ADGRL2: variants seen among roughly 807,000 people sequenced by gnomAD.
ADGRL2 encodes adhesion G protein-coupled receptor L2.
In ADGRL2, 44 loss-of-function variants were observed where a neutral mutation model predicts 157.4. The ratio of observed to expected loss-of-function variants is 0.28; its 90% confidence interval spans 0.22 to 0.36. The LOEUF (loss-of-function observed/expected upper bound fraction) is 0.36, where lower values mean the gene tolerates loss of function less well. ADGRL2 is among the 10% of genes least tolerant of loss of function. The pLI is 1.00. For synonymous variants in ADGRL2, 585 were observed against 624.7 expected, an observed-to-expected ratio of 0.94 and a Z score of 0.95; for missense variants, 1,510 against 1,768.9, an observed-to-expected ratio of 0.85 and a Z score of 2.63.
At chr1:81,626,398 C>T (rs537936122) in intron 3 of ADGRL2, among the ~76,000 whole-genome samples, 1 of 152,254 alleles carries the variant, frequency 6.6e-6, no homozygotes, top group African/African-American at 2.4e-5. Flanking sequence ...CTCAACCTCC[C>T]GGGCTCAAGC....
intron 1 of ADGRL2, among the ~76,000 whole-genome samples, chr1:81,438,072 C>T (rs1214177678): frequency 3.3e-5 from 5 of 149,326 alleles, no homozygotes; most frequent in Non-Finnish European, 5.9e-5. Context: ...CATTCCTTCT[C>T]ACCGAATATG....
At chr1:81,821,775 T>A (rs2091008550) in intron 1 of ADGRL2, among the ~76,000 whole-genome samples, 1 of 152,174 alleles carries the variant, frequency 6.6e-6, no homozygotes, top group African/African-American at 2.4e-5. Flanking sequence ...ATATACTATT[T>A]ACACAGTCTA....
chr1:81,719,098 G>C (rs189263879), intron 1 of ADGRL2, among the ~76,000 whole-genome samples: 2 of 152,350 alleles, frequency 1.3e-5, no homozygotes, highest in Non-Finnish European at 2.9e-5. Flanking sequence ...CCCTGGGTTA[G>C]TCAGAGATCC....
At chr1:81,353,761 T>C (rs1663082464) in intron 1 of ADGRL2, among the ~76,000 whole-genome samples, 1 of 152,122 alleles carries the variant, frequency 6.6e-6, no homozygotes. Context: ...CAAGTGGCCC[T>C]GGGATGATAG....
At chr1:81,454,050 C>T (rs1002957397) in intron 2 of ADGRL2, among the ~76,000 whole-genome samples, 3 of 152,142 alleles carry the variant, frequency 2.0e-5, no homozygotes, top group Admixed American at 6.5e-5. Flanking sequence ...AATAATGTTT[C>T]GTTTAAAAGA....
intron 3 of ADGRL2, among the ~76,000 whole-genome samples, chr1:81,652,936 A>G (rs2082451669): frequency 6.6e-6 from 1 of 151,970 alleles, no homozygotes; most frequent in Admixed American, 6.6e-5. Flanking sequence ...TCATTTTTTT[A>G]TCATTGCAAT....
chr1:81,474,864 G>GA (rs1423496558), intron 2 of ADGRL2, among the ~76,000 whole-genome samples: 2 of 152,066 alleles, frequency 1.3e-5, no homozygotes, highest in African/African-American at 4.8e-5. Flanking sequence ...TGAGTATGAT[G>GA]AATACTTTTC....
intron 3 of ADGRL2, among the ~76,000 whole-genome samples, chr1:81,669,752 C>T (rs765511676): frequency 6.6e-6 from 1 of 151,940 alleles, no homozygotes; most frequent in Non-Finnish European, 1.5e-5. Context: ...ACCATCCTGG[C>T]TAACACGGTG....
intron 1 of ADGRL2, among the ~76,000 whole-genome samples, chr1:81,729,815 C>A (rs2084660219): frequency 6.6e-6 from 1 of 152,186 alleles, no homozygotes; most frequent in African/African-American, 2.4e-5. Context: ...TCATTAATAT[C>A]ATTCTGGCCA....
intron 1 of ADGRL2, among the ~76,000 whole-genome samples, chr1:81,384,948 T>C (rs1238404248): frequency 2.0e-5 from 3 of 152,198 alleles, no homozygotes; most frequent in Non-Finnish European, 4.4e-5. Context: ...AACGACTTTA[T>C]CTTCCTCCTA....
intron 1 of ADGRL2, among the ~76,000 whole-genome samples, chr1:81,808,294 A>G (rs1273616003): frequency 1.3e-5 from 2 of 152,076 alleles, no homozygotes; most frequent in Non-Finnish European, 2.9e-5. Flanking sequence ...TTGAAAAACA[A>G]CAGAAATTAG....
intron 3 of ADGRL2, among the ~76,000 whole-genome samples, chr1:81,677,752 A>C (rs148837697): frequency 6.6e-6 from 1 of 152,262 alleles, no homozygotes; most frequent in East Asian, 1.9e-4. Context: ...CTGCCAACCC[A>C]TTCTTTATGT....
At chr1:81,487,897 A>G (rs527858401) in intron 2 of ADGRL2, among the ~76,000 whole-genome samples, 108 of 152,268 alleles carry the variant, frequency 7.1e-4, no homozygotes, top group African/African-American at 2.5e-3. Context: ...GGTTTCTTAG[A>G]TACACATAGT....
intron 1 of ADGRL2, among the ~76,000 whole-genome samples, chr1:81,742,802 T>G (rs921498607): frequency 5.9e-5 from 9 of 152,066 alleles, no homozygotes; most frequent in African/African-American, 1.7e-4. Flanking sequence ...TTATTAATAT[T>G]TGCCACAGAG....
intron 3 of ADGRL2, among the ~76,000 whole-genome samples, chr1:81,914,353 AAGGGAAAAATT>A (rs2094806299): frequency 6.6e-6 from 1 of 152,136 alleles, no homozygotes; most frequent in Non-Finnish European, 1.5e-5. Context: ...GCATTTTTCA[AAGGGAAAAATT>A]AGTGCAGTAT....
At chr1:81,625,234 C>A (rs937421171) in intron 3 of ADGRL2, among the ~76,000 whole-genome samples, 1 of 152,080 alleles carries the variant, frequency 6.6e-6, no homozygotes, top group African/African-American at 2.4e-5. Flanking sequence ...CATAGAAATA[C>A]CGCAAGAGAC....
chr1:81,438,039 GA>G (rs36104208), intron 1 of ADGRL2, among the ~76,000 whole-genome samples: 75,827 of 144,012 alleles, frequency 0.53, 21,335 homozygotes, highest in Non-Finnish European at 0.65. Context: ...CCTGTTTGGG[GA>G]AAAAAAAAAA....
intron 2 of ADGRL2, among the ~76,000 whole-genome samples, chr1:81,902,106 T>C (rs746413324): frequency 1.8e-4 from 27 of 152,252 alleles, no homozygotes; most frequent in Non-Finnish European, 1.5e-4. Context: ...GGATTCCAGG[T>C]AATAGGTAGA....
chr1:81,557,813 C>G (rs75232496), intron 2 of ADGRL2: 1 of 152,124 alleles, frequency 6.6e-6, no homozygotes, highest in African/African-American at 2.4e-5. Flanking sequence ...GAGAACATAC[C>G]CCCTAGCGGA....
Sources: gnomAD v4.1 joint callset for allele counts (sites outside exome capture counted in the v4.1 genomes callset) on GRCh38, gnomAD v4.1.1 for gene constraint, MANE v1.5 for transcripts, NCBI Gene and HGNC (gene_info 2026-07-23, HGNC 2026-07-21) for gene names.